The following PPP1R9A variants were observed in gnomAD, a reference collection of about 807,000 sequenced individuals.
PPP1R9A encodes protein phosphatase 1 regulatory subunit 9A.
In PPP1R9A, 59 loss-of-function variants were observed where a neutral mutation model predicts 141.9. The ratio of observed to expected loss-of-function variants is 0.42; its 90% CI spans 0.34 to 0.52. The LOEUF is 0.52. Among genes scored for constraint, PPP1R9A ranks in the 20% least tolerant of loss-of-function variants. The pLI, the probability that PPP1R9A is intolerant of heterozygous loss-of-function variation, is 0.10. For missense variants in PPP1R9A, 1,444 were observed against 1,611.9 expected (o/e 0.90, Z 1.78); for synonymous variants, 500 against 569.7 (o/e 0.88, Z 1.74).
chr7:94,996,211 T>TAGG (rs1398407491), intron 2 of PPP1R9A, among the ~76,000 whole-genome samples: 2 of 152,150 alleles, frequency 1.3e-5, no homozygotes, highest in Non-Finnish European at 2.9e-5. Context: ...AGCTGAAACT[T>TAGG]TAACATCTCT....
At chr7:95,273,374 G>A (rs1314225909) in intron 14 of PPP1R9A, among the ~76,000 whole-genome samples, 1 of 152,194 alleles carries the variant, frequency 6.6e-6, no homozygotes, top group Non-Finnish European at 1.5e-5. Flanking sequence ...CAGGCCATTA[G>A]CAAAGGAGAG....
chr7:95,073,443 C>T (rs1234546132), intron 2 of PPP1R9A, among the ~76,000 whole-genome samples: 4 of 151,886 alleles, frequency 2.6e-5, no homozygotes, highest in African/African-American at 9.7e-5. Flanking sequence ...GACTTCTTGC[C>T]AAGGGCTTGC....
At chr7:94,970,047 CGA>C (rs1200950330) in intron 2 of PPP1R9A, among the ~76,000 whole-genome samples, 1 of 152,120 alleles carries the variant, frequency 6.6e-6, no homozygotes, top group Non-Finnish European at 1.5e-5. Flanking sequence ...GTGCTGGCAA[CGA>C]GAGTTTCAAG....
At chr7:94,916,809 T>G (rs1011898410) in intron 2 of PPP1R9A, among the ~76,000 whole-genome samples, 2 of 149,868 alleles carry the variant, frequency 1.3e-5, no homozygotes, top group South Asian at 4.2e-4. Context: ...TTTTTTTTTG[T>G]TTGTTTTTTG....
chr7:95,046,493 G>A (rs1810031956), intron 2 of PPP1R9A, among the ~76,000 whole-genome samples: 1 of 152,132 alleles, frequency 6.6e-6, no homozygotes, highest in African/African-American at 2.4e-5. Context: ...TTTGGACTCT[G>A]CTATTTGATA....
chr7:94,932,350 A>G (rs956961184), intron 2 of PPP1R9A, among the ~76,000 whole-genome samples: 1 of 152,224 alleles, frequency 6.6e-6, no homozygotes, highest in African/African-American at 2.4e-5. Context: ...GTGCTGGTTT[A>G]GATGATCTAT....
intron 2 of PPP1R9A, among the ~76,000 whole-genome samples, chr7:95,077,375 GTT>G (rs1387387511): frequency 1.3e-5 from 2 of 151,886 alleles, no homozygotes; most frequent in Non-Finnish European, 2.9e-5. Flanking sequence ...GAGGATCTTA[GTT>G]TACTTCCATT....
At chr7:95,015,909 C>T in intron 2 of PPP1R9A, among the ~76,000 whole-genome samples, 1 of 151,850 alleles carries the variant, frequency 6.6e-6, no homozygotes, top group Non-Finnish European at 1.5e-5. Context: ...AAAATTAGGG[C>T]AGGCATGGTG....
At chr7:95,065,124 G>A (rs1342920992) in intron 2 of PPP1R9A, among the ~76,000 whole-genome samples, 1 of 152,036 alleles carries the variant, frequency 6.6e-6, no homozygotes, top group East Asian at 1.9e-4. Context: ...AGAGTGCAGT[G>A]GCATGCTCAT....
intron 4 of PPP1R9A, among the ~76,000 whole-genome samples, chr7:95,148,793 C>T (rs1828110493): frequency 1.3e-5 from 2 of 151,584 alleles, no homozygotes; most frequent in African/African-American, 4.9e-5. Context: ...GAAAGTGTAC[C>T]AATCCTCTCC....
chr7:94,973,001 T>C lies in PPP1R9A; in HGVS notation c.1395+61493T>C, dbSNP rs796986885. On this transcript the variant is annotated intron_variant, in intron 2 of 19. Coordinates refer to ENST00000433360, the MANE Select transcript of PPP1R9A (RefSeq NM_001166160.2). ...TAGATTCTTAATGGTAAGGAAATAA[T>C]GACTTCCTGGACACAATATATTTTT... 6.0e-4 allele frequency among the ~76,000 whole-genome samples: 92 copies of C among 152,312 alleles called. 1 individual carries two copies. Among genetic ancestry groups the C allele is most frequent in the African/African-American group, 2.1e-3 (87 of 41,572 alleles).
chr7:95,260,127 TG>T (rs1800203638), intron 12 of PPP1R9A, among the ~76,000 whole-genome samples: 1 of 152,188 alleles, frequency 6.6e-6, no homozygotes, highest in Non-Finnish European at 1.5e-5. Flanking sequence ...GATTATTTTC[TG>T]GTGTATCATT....
intron 6 of PPP1R9A, among the ~76,000 whole-genome samples, chr7:95,200,792 A>G (rs1789400292): frequency 6.6e-6 from 1 of 152,196 alleles, no homozygotes; most frequent in Non-Finnish European, 1.5e-5. Context: ...AGCACTTTGC[A>G]AGGTGTCTTT....
chr7:95,191,760 GAT>G (rs1410862534), intron 5 of PPP1R9A, among the ~76,000 whole-genome samples: 4 of 151,916 alleles, frequency 2.6e-5, no homozygotes, highest in Non-Finnish European at 5.9e-5. Context: ...ATAGCTAAAA[GAT>G]AAAAAGATCA....
chr7:95,186,349 T>C (rs1356444096), intron 5 of PPP1R9A, among the ~76,000 whole-genome samples: 1 of 152,134 alleles, frequency 6.6e-6, no homozygotes, highest in Non-Finnish European at 1.5e-5. Context: ...TGCTACTGAT[T>C]TGTGTACATT....
chr7:94,938,557 C>T (rs1374198729), intron 2 of PPP1R9A, among the ~76,000 whole-genome samples: 1 of 151,882 alleles, frequency 6.6e-6, no homozygotes, highest in African/African-American at 2.4e-5. Flanking sequence ...GTTTTCATTG[C>T]TAGCTCTTAT....
At chr7:95,203,992 A>G (rs1306575296) in intron 7 of PPP1R9A, among the ~76,000 whole-genome samples, 3 of 152,334 alleles carry the variant, frequency 2.0e-5, no homozygotes, top group South Asian at 4.1e-4. Flanking sequence ...CTAACACTTT[A>G]AATATCTTGT....
chr7:95,139,305 A>G (rs1826215478), intron 4 of PPP1R9A, among the ~76,000 whole-genome samples: 1 of 152,138 alleles, frequency 6.6e-6, no homozygotes, highest in Non-Finnish European at 1.5e-5. Flanking sequence ...ACCTGATCTC[A>G]TGAGAACTTC....
At chr7:94,945,695 AT>A (rs1387829039) in intron 2 of PPP1R9A, among the ~76,000 whole-genome samples, 1 of 152,080 alleles carries the variant, frequency 6.6e-6, no homozygotes. Flanking sequence ...ATCAATAAAG[AT>A]ATAAACTTGT....
Sources: gnomAD v4.1 joint callset for allele counts (sites outside exome capture counted in the v4.1 genomes callset) on GRCh38, gnomAD v4.1.1 for gene constraint, MANE v1.5 for transcripts, NCBI Gene and HGNC (gene_info 2026-07-23, HGNC 2026-07-21) for gene names.